Variants in SNX4 observed in about 807,000 individuals in gnomAD.
SNX4 encodes sorting nexin 4, also known as sorting nexin-4.
A neutral mutation model predicts 70.8 loss-of-function variants in SNX4; 49 were observed. The observed-to-expected ratio is 0.69, with a 90% CI of 0.55 to 0.88. The LOEUF (loss-of-function observed/expected upper bound fraction) is 0.88. Ranked by LOEUF, SNX4 falls within the 40% of genes least tolerant of loss-of-function variation. The probability of loss-of-function intolerance (pLI) is 0.00; values close to 1 mark genes in which losing one functional copy is unlikely to be tolerated. For synonymous variants in SNX4, 206 were observed against 183.8 expected (o/e 1.12, Z -0.98); for missense variants, 528 against 544.8 (o/e 0.97, Z 0.31).
At chr3:125,480,462 TAA>T in intron 6 of SNX4, 143 bp from the exon 7 acceptor site, 1 of 374,596 alleles carries the variant, frequency 2.7e-6, no homozygotes. Flanking sequence ...CACACCAATA[TAA>T]ATCCAAAAAA....
Position 125,507,512 on chromosome 3 carries a change from T to C in SNX4, c.142-2768A>G, listed in dbSNP as rs141094464. ...AAATAATGGTTGAAAATTTCACAAA[T>C]ATGATAGAAGAAATGTATATAAACA... On this transcript the variant is annotated intron_variant, in intron 1 of 13. Transcript: ENST00000251775. Among the ~76,000 whole-genome samples the C allele has an allele frequency of 1.8e-4, 28 of 152,306 alleles. No homozygotes were observed. The East Asian group carries it at 5.2e-3, about 28-fold the overall frequency.
chr3:125,519,954 G>GCCCCC, intron 1 of SNX4, 78 bp downstream of exon 1: 1 of 1,081,880 alleles, frequency 9.2e-7, no homozygotes, highest in East Asian at 3.9e-5. Context: ...GCCCGGCCCA[G>GCCCCC]CCCAGCCCAG....
chr3:125,458,841 A>G (rs1267531636), intron 10 of SNX4, among the ~76,000 whole-genome samples: 60 of 83,016 alleles, frequency 7.2e-4, no homozygotes, highest in African/African-American at 2.6e-3. Context: ...AAAAAAAAAA[A>G]AAAAGAAAAG....
intron 1 of SNX4, among the ~76,000 whole-genome samples, chr3:125,511,788 A>G (rs1935179366): frequency 1.3e-5 from 2 of 152,308 alleles, no homozygotes; most frequent in South Asian, 4.1e-4. Context: ...AGGAGAGATA[A>G]AAGTAGAAAC....
intron 1 of SNX4, among the ~76,000 whole-genome samples, chr3:125,512,772 CT>C (rs35641181): frequency 0.53 from 74,875 of 142,504 alleles, 20,412 homozygotes; most frequent in African/African-American, 0.75. Flanking sequence ...GATACAACAA[CT>C]TTTTTTTTTT....
intron 9 of SNX4, among the ~76,000 whole-genome samples, chr3:125,466,714 C>T (rs760987592): frequency 3.3e-5 from 5 of 152,112 alleles, no homozygotes; most frequent in African/African-American, 4.8e-5. Flanking sequence ...ATCGCTTGAA[C>T]TGGGGAGGAG....
chr3:125,463,742 A>G (rs893640175), intron 9 of SNX4, among the ~76,000 whole-genome samples: 4 of 152,212 alleles, frequency 2.6e-5, no homozygotes, highest in African/African-American at 9.6e-5. Flanking sequence ...GAAATGATTA[A>G]ATGAAGCTAA....
chr3:125,514,076 C>A (rs1434554545), intron 1 of SNX4, among the ~76,000 whole-genome samples: 1 of 151,302 alleles, frequency 6.6e-6, no homozygotes, highest in Non-Finnish European at 1.5e-5. Context: ...ACTCACGAAG[C>A]CTCCATCCTC....
intron 10 of SNX4, among the ~76,000 whole-genome samples, chr3:125,458,507 C>T (rs545009168): frequency 5.3e-5 from 8 of 152,148 alleles, no homozygotes; most frequent in Admixed American, 2.0e-4. Context: ...TAAAAGTAAT[C>T]CATGTTCACT....
chr3:125,515,948 C>T (rs765094697), intron 1 of SNX4, among the ~76,000 whole-genome samples: 3 of 152,204 alleles, frequency 2.0e-5, no homozygotes, highest in Admixed American at 6.5e-5. Context: ...TGTAATTATG[C>T]CTATAATCTT....
intron 6 of SNX4, among the ~76,000 whole-genome samples, chr3:125,481,447 C>CTTT (rs34708524): frequency 7.4e-6 from 1 of 134,848 alleles, no homozygotes; most frequent in Admixed American, 7.7e-5. Flanking sequence ...TTCCTGAAAT[C>CTTT]TTTTTTTTTT....
At chr3:125,452,833 G>A (rs900139135) in intron 12 of SNX4, among the ~76,000 whole-genome samples, 1 of 151,906 alleles carries the variant, frequency 6.6e-6, no homozygotes, top group African/African-American at 2.4e-5. Context: ...TAGCCAGGAT[G>A]GTCTCAAACT....
intron 2 of SNX4, among the ~76,000 whole-genome samples, chr3:125,502,451 A>G (rs1934949425): frequency 6.6e-6 from 1 of 152,136 alleles, no homozygotes. Flanking sequence ...ACCAAGATTT[A>G]AACTTTTATT....
intron 7 of SNX4, among the ~76,000 whole-genome samples, chr3:125,479,155 G>C (rs1285418288): frequency 1.3e-5 from 2 of 152,070 alleles, no homozygotes; most frequent in East Asian, 3.8e-4. Flanking sequence ...CCCAGCTTCA[G>C]TAATTACTAT....
At chr3:125,493,664 A>G (rs977708534) in intron 5 of SNX4, among the ~76,000 whole-genome samples, 3 of 151,618 alleles carry the variant, frequency 2.0e-5, no homozygotes, top group Admixed American at 6.6e-5. Flanking sequence ...AAAAAAAAAA[A>G]AAAGAAAGAA....
At chr3:125,473,360 A>G (rs1455347135) in intron 8 of SNX4, among the ~76,000 whole-genome samples, 1 of 151,934 alleles carries the variant, frequency 6.6e-6, no homozygotes, top group Non-Finnish European at 1.5e-5. Flanking sequence ...TGCTTTCCAA[A>G]TTAACACCAA....
chr3:125,489,946 T>G (rs1441567435), intron 5 of SNX4, among the ~76,000 whole-genome samples: 1 of 151,994 alleles, frequency 6.6e-6, no homozygotes, highest in African/African-American at 2.4e-5. Context: ...GCCAACATGA[T>G]GAAACCCCCA....
At chr3:125,502,688 G>A (rs1376367503) in intron 2 of SNX4, among the ~76,000 whole-genome samples, 2 of 151,690 alleles carry the variant, frequency 1.3e-5, no homozygotes, top group African/African-American at 4.8e-5. Flanking sequence ...GGCCAACATG[G>A]TGAAACCCCA....
At chr3:125,467,145 G>A (rs974303109) in intron 9 of SNX4, among the ~76,000 whole-genome samples, 5 of 149,898 alleles carry the variant, frequency 3.3e-5, no homozygotes, top group East Asian at 2.0e-4. Context: ...CAAGCACTTC[G>A]GGAGGCTGAG....
Sources: gnomAD v4.1 joint callset for allele counts (sites outside exome capture counted in the v4.1 genomes callset) on GRCh38, gnomAD v4.1.1 for gene constraint, MANE v1.5 for transcripts, NCBI Gene and HGNC (gene_info 2026-07-23, HGNC 2026-07-21) for gene names.